RPTOR: variants seen among roughly 807,000 people sequenced by gnomAD.
RPTOR encodes regulatory associated protein of MTOR complex 1.
RPTOR carries 21 observed loss-of-function variants against 169.9 expected under a neutral mutation model. That is an observed-to-expected ratio of 0.12 (90% CI 0.09 to 0.18). RPTOR has a LOEUF of 0.18. Among genes scored for constraint, RPTOR ranks in the 10% least tolerant of loss-of-function variants. The pLI is 1.00. For missense variants in RPTOR, 1,133 were observed against 1,855.9 expected (o/e 0.61, Z 7.16); for synonymous variants, 732 against 753.2 (o/e 0.97, Z 0.46).
At chr17:80,884,166 A>T (rs2068216007) in intron 16 of RPTOR, among the ~76,000 whole-genome samples, 194 bp downstream of exon 16, 1 of 152,352 alleles carries the variant, frequency 6.6e-6, no homozygotes, top group South Asian at 2.1e-4. Flanking sequence ...CCAGGCCCAG[A>T]GTGCGCTCCC....
At chr17:80,777,656 G>A (rs2066904553) in intron 6 of RPTOR, among the ~76,000 whole-genome samples, 1 of 151,996 alleles carries the variant, frequency 6.6e-6, no homozygotes, top group Non-Finnish European at 1.5e-5. Flanking sequence ...TTAGTGTCAT[G>A]TTTAAGAAGC....
chr17:80,604,811 A>G (rs1188775907), intron 1 of RPTOR, among the ~76,000 whole-genome samples: 1 of 152,186 alleles, frequency 6.6e-6, no homozygotes, highest in Non-Finnish European at 1.5e-5. Flanking sequence ...ACAGCACAGG[A>G]AAGATCCATC....
At chr17:80,573,715 G>A (rs954726475) in intron 1 of RPTOR, among the ~76,000 whole-genome samples, 1 of 152,154 alleles carries the variant, frequency 6.6e-6, no homozygotes, top group African/African-American at 2.4e-5. Context: ...GCTGGGGATC[G>A]GATGCAGTTA....
intron 1 of RPTOR, among the ~76,000 whole-genome samples, chr17:80,605,245 C>T (rs928815222): frequency 2.6e-5 from 4 of 152,194 alleles, no homozygotes; most frequent in Non-Finnish European, 1.5e-5. Flanking sequence ...TTTCGTTGAA[C>T]TCAGTGTTGA....
At chr17:80,639,753 C>T (rs1358658035) in intron 2 of RPTOR, among the ~76,000 whole-genome samples, 2 of 152,184 alleles carry the variant, frequency 1.3e-5, no homozygotes, top group African/African-American at 4.8e-5. Flanking sequence ...TCAGTAGCAT[C>T]GTGAAGGGCT....
At chr17:80,674,811 A>C (rs80031167) in intron 3 of RPTOR, among the ~76,000 whole-genome samples, 1,667 of 137,216 alleles carry the variant, frequency 0.012, 94 homozygotes, top group African/African-American at 0.048. Context: ...AAAAAAAAAA[A>C]AAAAAAAAAA....
intron 7 of RPTOR, among the ~76,000 whole-genome samples, chr17:80,794,850 G>A (rs1200756906): frequency 6.6e-6 from 1 of 152,208 alleles, no homozygotes; most frequent in Non-Finnish European, 1.5e-5. Context: ...GACCTTCTGG[G>A]AAAGACAGAA....
At chr17:80,774,117 C>T (rs1308460292) in intron 6 of RPTOR, 2 of 985,318 alleles carry the variant, frequency 2.0e-6, no homozygotes, top group Non-Finnish European at 2.4e-6. Context: ...AAAGGCTCCT[C>T]TCCTGTTGGT....
intron 24 of RPTOR, among the ~76,000 whole-genome samples, chr17:80,931,263 A>C (rs1378937116): frequency 6.6e-6 from 1 of 152,192 alleles, no homozygotes; most frequent in Non-Finnish European, 1.5e-5. Flanking sequence ...CAGAGAGCTG[A>C]GGTGGCAGGG....
chr17:80,795,145 C>T (rs1201012554), intron 7 of RPTOR, among the ~76,000 whole-genome samples: 3 of 152,172 alleles, frequency 2.0e-5, no homozygotes, highest in Non-Finnish European at 4.4e-5. Flanking sequence ...GCCACCGCTG[C>T]GGACAACAGG....
At chr17:80,740,950 A>G (rs1289813327) in intron 5 of RPTOR, among the ~76,000 whole-genome samples, 1 of 152,258 alleles carries the variant, frequency 6.6e-6, no homozygotes, top group Non-Finnish European at 1.5e-5. Context: ...ATCATTGGTT[A>G]TCAGGGAAAC....
intron 6 of RPTOR, among the ~76,000 whole-genome samples, chr17:80,768,260 C>T (rs945515009): frequency 6.6e-6 from 1 of 152,178 alleles, no homozygotes; most frequent in Non-Finnish European, 1.5e-5. Context: ...TTCCTCTTCT[C>T]CCATGTCTGT....
intron 3 of RPTOR, among the ~76,000 whole-genome samples, chr17:80,677,524 C>T (rs1167969835): frequency 1.3e-5 from 2 of 152,002 alleles, no homozygotes; most frequent in Non-Finnish European, 2.9e-5. Context: ...CCCACCTTCC[C>T]TCCCACCAGA....
In RPTOR at chr17:80,951,743, C is replaced by T. The variant is rs570854005; in HGVS notation, c.3370+2196C>T. On this transcript the variant is annotated intron_variant, in intron 28 of 33. Transcript: ENST00000306801. ...CTATACCCCTCCATGGCAGGACGCT[C>T]GGGCCGAGGGACAGCTGCCCAGAGC... Among the ~76,000 whole-genome samples the T allele has an allele frequency of 7.9e-5, 12 of 152,322 alleles. No individual in the cohort carries two copies. The South Asian group carries it at 2.3e-3, about 29-fold the overall frequency.
chr17:80,871,953 G>A (rs150165661), intron 13 of RPTOR, among the ~76,000 whole-genome samples: 10 of 152,184 alleles, frequency 6.6e-5, no homozygotes, highest in East Asian at 3.9e-4. Context: ...TCAGGAACGC[G>A]CCTGTGCCCA....
intron 12 of RPTOR, 29 bp from the exon 13 acceptor site, chr17:80,857,761 G>C (rs1454507567): frequency 6.4e-7 from 1 of 1,551,262 alleles, no homozygotes; most frequent in Non-Finnish European, 8.8e-7. Context: ...CTGCGGCACA[G>C]GTGCGCTGAC....
chr17:80,913,013 CGTGTGTGTGCACGCGTGTGTGTGTGT>C (rs1427860724), intron 21 of RPTOR, among the ~76,000 whole-genome samples: 1 of 151,818 alleles, frequency 6.6e-6, no homozygotes, highest in African/African-American at 2.4e-5. Flanking sequence ...TGTCTGTGTG[CGTGTGTGTGCACGCGTGTGTGTGTGT>C]CTGAGTGTAT....
At chr17:80,883,103 C>T (rs530761672) in intron 14 of RPTOR, among the ~76,000 whole-genome samples, 4 of 152,126 alleles carry the variant, frequency 2.6e-5, no homozygotes, top group Non-Finnish European at 5.9e-5. Context: ...AGGTGAGGTC[C>T]GGGTGCTTCA....
In RPTOR at chr17:80,849,807, C is replaced by G. The variant is rs190870000; in HGVS notation, c.1314+3233C>G. Among the ~76,000 whole-genome samples the G allele has an allele frequency of 4.0e-3, 612 of 152,300 alleles. 6 individuals are homozygous for G. The highest frequency in any genetic ancestry group is 0.014 in the African/African-American group (585 of 41,558). ...TGCTGGGATTACAGGCGTGAACGAC[C>G]GCACCCAGCCCTGAACACCGTCTTC... On this transcript the variant is annotated intron_variant, in intron 11 of 33. Transcript: ENST00000306801.
Sources: gnomAD v4.1 joint callset for allele counts (sites outside exome capture counted in the v4.1 genomes callset) on GRCh38, gnomAD v4.1.1 for gene constraint, MANE v1.5 for transcripts, NCBI Gene and HGNC (gene_info 2026-07-23, HGNC 2026-07-21) for gene names.